GPC1: variants seen among roughly 807,000 people sequenced by gnomAD.
GPC1 encodes glypican 1, also known as glypican-1.
Under a neutral mutation model 51.5 loss-of-function variants are expected in GPC1, and 26 were observed. That is an observed-to-expected ratio of 0.50 (90% confidence interval 0.37 to 0.70). GPC1 has a LOEUF of 0.70. GPC1 is among the 30% of genes least tolerant of loss of function. GPC1 has a pLI of 0.00. For synonymous variants in GPC1, 380 were observed against 348.3 expected (o/e 1.09, Z -1.01); for missense variants, 775 against 800.5 (o/e 0.97, Z 0.38).
chr2:240,447,296 G>A (rs1173025747), intron 1 of GPC1, among the ~76,000 whole-genome samples: 2 of 152,172 alleles, frequency 1.3e-5, no homozygotes, highest in Non-Finnish European at 2.9e-5. Context: ...AGGCTGTTCT[G>A]GGTACCGGGA....
Position 240,435,748 on chromosome 2 carries a change from C to A in GPC1, c.-171C>A. 3.1e-6 allele frequency: 1 copy of A among 324,882 alleles called. No homozygotes were observed. Among genetic ancestry groups the A allele is most frequent in the Non-Finnish European group, 5.2e-6 (1 of 191,398 alleles). 20.1% of individuals were successfully genotyped at this position (324,882 alleles called of 1,614,324 possible). A position where few individuals can be genotyped will look rare whatever the true frequency, so the allele number is the denominator to read the frequency against. ...TCGCACCCCGCGCGCCCCGCGCCGC[C>A]GCCGCCGCCGGCTTTTGTTGTCTCC... On this transcript the variant is annotated 5_prime_UTR_variant, in exon 1 of 9. Transcript: ENST00000264039.
chr2:240,435,760 C>G lies in GPC1; in HGVS notation c.-159C>G, dbSNP rs2151783545. The G allele has an allele frequency of 2.7e-6, 1 of 370,034 alleles. No individual in the cohort carries two copies. The highest frequency in any genetic ancestry group is 4.4e-6 in the Non-Finnish European group (1 of 225,620). 22.9% of individuals were successfully genotyped at this position (370,034 alleles called of 1,614,324 possible). On this transcript the variant is annotated 5_prime_UTR_variant, in exon 1 of 9. Coordinates refer to ENST00000264039, the MANE Select transcript of GPC1 (RefSeq NM_002081.3). ...CGCCCCGCGCCGCCGCCGCCGCCGG[C>G]TTTTGTTGTCTCCGCCTCCTCGGCC...
chr2:240,450,993 G>A (rs889584765), intron 1 of GPC1: 1 of 412,690 alleles, frequency 2.4e-6, no homozygotes, highest in African/African-American at 2.1e-5. Context: ...GGGTGACTGG[G>A]TGGAGTGACT....
Position 240,462,452 on chromosome 2 carries a change from C to T in GPC1, c.587C>T (p.Ala196Val), listed in dbSNP as rs1235407824. 1.9e-6 allele frequency: 3 copies of T among 1,605,596 alleles called. No homozygotes were observed. The highest frequency in any genetic ancestry group is 1.7e-5 in the Admixed American group (1 of 59,480). The change falls in exon 3 of 9, where the codon GCC becomes GTC. Residue 196 changes from alanine to valine, a missense_variant. Coordinates refer to ENST00000264039, the MANE Select transcript of GPC1 (RefSeq NM_002081.3). ...TACCTGGACTGCCTGGGCAAGCAGG[C>T]CGAGGCGCTGCGGCCCTTCGGGGAG... Reference protein sequence around the residue: ...DDYLDCLGKQAEALRPFGEAP... With the variant: ...DDYLDCLGKQVEALRPFGEAP...
intron 1 of GPC1, among the ~76,000 whole-genome samples, chr2:240,457,085 A>G (rs1393668718): frequency 6.6e-6 from 1 of 152,172 alleles, no homozygotes; most frequent in Non-Finnish European, 1.5e-5. Context: ...CTCTGTCTGC[A>G]GCATGGGCAC....
chr2:240,450,937 G>A (rs761560827), intron 1 of GPC1: 1 of 405,028 alleles, frequency 2.5e-6, no homozygotes, highest in Admixed American at 2.8e-5. Context: ...GGGAGGTGAG[G>A]GGAAAGCATG....
At chr2:240,449,763 C>G (rs942939629) in intron 1 of GPC1, 1 of 455,208 alleles carries the variant, frequency 2.2e-6, no homozygotes, top group South Asian at 1.6e-5. Context: ...CTCTATGAAT[C>G]CGACTCCTCT....
chr2:240,449,968 CG>C (rs1283727474), intron 1 of GPC1: 4 of 463,118 alleles, frequency 8.6e-6, no homozygotes, highest in Non-Finnish European at 1.8e-5. Flanking sequence ...GGAGAGACAT[CG>C]TTTCTACCTT....
chr2:240,450,354 G>A (rs1196488975), intron 1 of GPC1: 3 of 341,364 alleles, frequency 8.8e-6, no homozygotes, highest in South Asian at 2.2e-5. Context: ...ATTCCCCTGG[G>A]ATTGGAGTCA....
At chr2:240,445,094 G>A (rs866473754) in intron 1 of GPC1, among the ~76,000 whole-genome samples, 46 of 152,154 alleles carry the variant, frequency 3.0e-4, no homozygotes, top group Admixed American at 7.2e-4. Flanking sequence ...GTTCCTGAAC[G>A]CGATGCCCCC....
chr2:240,457,302 C>G, intron 1 of GPC1: 2 of 417,222 alleles, frequency 4.8e-6, no homozygotes, highest in South Asian at 3.4e-5. Flanking sequence ...TGTCTCCTTG[C>G]TGTCATGTCA....
intron 1 of GPC1, among the ~76,000 whole-genome samples, chr2:240,455,842 C>T (rs976609881): frequency 2.6e-5 from 4 of 152,308 alleles, no homozygotes; most frequent in Middle Eastern, 3.4e-3. Flanking sequence ...CGGCCTGCGC[C>T]GGGCCGGAGC....
intron 1 of GPC1, among the ~76,000 whole-genome samples, chr2:240,439,179 C>G (rs2074002593): frequency 2.6e-5 from 4 of 152,152 alleles, no homozygotes; most frequent in Admixed American, 2.6e-4. Flanking sequence ...CTGGGACCAC[C>G]TCTAACTGTT....
In GPC1 at chr2:240,466,569, TC is replaced by T. The variant is rs754355126; in HGVS notation, c.*285del. ...AGGGGCACCTCCGGCTGCCTAGCCC[TC>T]CCCCCAGCTCCCTGCACCGCCGCAG... is the stretch of plus-strand genomic sequence containing the variant. On this transcript the variant is annotated 3_prime_UTR_variant, in exon 9 of 9. Transcript: ENST00000264039. The T allele has an allele frequency of 2.0e-5, 9 of 440,336 alleles. No homozygotes were observed. The highest frequency in any genetic ancestry group is 4.1e-5 in the South Asian group (1 of 24,468). 27.3% of individuals were successfully genotyped at this position (440,336 alleles called of 1,614,324 possible).
intron 1 of GPC1, among the ~76,000 whole-genome samples, chr2:240,439,740 C>T (rs1462473558): frequency 6.6e-6 from 1 of 152,230 alleles, no homozygotes; most frequent in Non-Finnish European, 1.5e-5. Flanking sequence ...GGCTGCCTGG[C>T]ACACAGCCCC....
intron 1 of GPC1, among the ~76,000 whole-genome samples, chr2:240,446,845 G>A (rs7576734): frequency 0.39 from 59,747 of 152,090 alleles, 13,387 homozygotes; most frequent in East Asian, 0.9. Flanking sequence ...CGCAGAGGAC[G>A]GAGAGGGGAC....
chr2:240,453,452 G>T (rs1435167368), intron 1 of GPC1, among the ~76,000 whole-genome samples: 1 of 126,190 alleles, frequency 7.9e-6, no homozygotes, highest in Non-Finnish European at 1.7e-5. Context: ...CGCCCGCCCC[G>T]CTCCCGCATC....
chr2:240,449,043 C>T (rs1055584194), intron 1 of GPC1, among the ~76,000 whole-genome samples: 7 of 152,110 alleles, frequency 4.6e-5, no homozygotes, highest in Admixed American at 2.0e-4. Flanking sequence ...ACCTAACCTC[C>T]GTGAGCCTCA....
intron 1 of GPC1, among the ~76,000 whole-genome samples, chr2:240,457,267 G>A (rs573095855): frequency 9.2e-4 from 140 of 152,216 alleles, no homozygotes; most frequent in Non-Finnish European, 1.7e-3. Context: ...GCCCTCCCTC[G>A]CTCTCCCAGG....
Sources: gnomAD v4.1 joint callset for allele counts (sites outside exome capture counted in the v4.1 genomes callset) on GRCh38, gnomAD v4.1.1 for gene constraint, MANE v1.5 for transcripts, NCBI Gene and HGNC (gene_info 2026-07-23, HGNC 2026-07-21) for gene names.